DCLK1: variants seen among roughly 807,000 people sequenced by gnomAD.
DCLK1 encodes the protein serine/threonine-protein kinase DCLK1.
Under a neutral mutation model 86.2 loss-of-function variants are expected in DCLK1, and 16 were observed. That is an observed-to-expected ratio of 0.19 (90% confidence interval 0.13 to 0.28). The LOEUF is 0.28. Ranked by LOEUF, DCLK1 falls within the 10% of genes least tolerant of loss-of-function variation. The probability of loss-of-function intolerance (pLI) is 1.00; values close to 1 mark genes in which losing one functional copy is unlikely to be tolerated. For synonymous variants in DCLK1, 369 were observed against 370.5 expected (o/e 1.00, Z 0.05); for missense variants, 590 against 940.2 (o/e 0.63, Z 4.87).
At chr13:36,002,326 G>A (rs1023866984) in intron 3 of DCLK1, among the ~76,000 whole-genome samples, 17 of 152,148 alleles carry the variant, frequency 1.1e-4, no homozygotes, top group African/African-American at 4.1e-4. Context: ...TAAGTCAAAG[G>A]ATTTCTTCAG....
chr13:36,022,305 TA>T (rs565552339), intron 3 of DCLK1, among the ~76,000 whole-genome samples: 23 of 151,862 alleles, frequency 1.5e-4, no homozygotes, highest in African/African-American at 5.5e-4. Flanking sequence ...AACCTTTACT[TA>T]AAAAAAAGAA....
chr13:35,927,805 C>T (rs1197713272), intron 4 of DCLK1, among the ~76,000 whole-genome samples: 2 of 152,202 alleles, frequency 1.3e-5, no homozygotes, highest in African/African-American at 4.8e-5. Flanking sequence ...AGCCTGACCT[C>T]TGGAGACTCA....
chr13:35,865,825 C>T (rs1246331298), intron 5 of DCLK1, among the ~76,000 whole-genome samples: 1 of 152,144 alleles, frequency 6.6e-6, no homozygotes, highest in East Asian at 1.9e-4. Flanking sequence ...TGCTGACTTA[C>T]AAGGGAGGTT....
At chr13:35,974,667 G>C (rs988232507) in intron 3 of DCLK1, among the ~76,000 whole-genome samples, 5 of 152,038 alleles carry the variant, frequency 3.3e-5, no homozygotes, top group African/African-American at 1.2e-4. Flanking sequence ...TTCTGCCATG[G>C]TTGTAAGTTT....
At chr13:36,127,949 G>A (rs1487298664) in intron 1 of DCLK1, among the ~76,000 whole-genome samples, 5 of 152,186 alleles carry the variant, frequency 3.3e-5, no homozygotes, top group Admixed American at 6.5e-5. Context: ...TGTTGAAATA[G>A]AATATCAGGA....
chr13:36,110,627 A>G (rs964493000), intron 3 of DCLK1, among the ~76,000 whole-genome samples: 1 of 152,160 alleles, frequency 6.6e-6, no homozygotes, highest in South Asian at 2.1e-4. Flanking sequence ...AATAAGATCA[A>G]TCTTTTAATT....
rs149494932 is a variant in DCLK1, at chr13:36,102,708, T to C, written c.723+9161A>G. ...ACACGTTTTGAAAAATGTGACTTTT[T>C]TTCTAAGAGGATTCTAGACAAAGCA... On this transcript the variant is annotated intron_variant, in intron 3 of 16. Transcript: ENST00000360631. 4.2e-3 allele frequency among the ~76,000 whole-genome samples: 637 copies of C among 152,372 alleles called. 5 individuals carry two copies. The highest frequency in any genetic ancestry group is 0.014 in the African/African-American group (577 of 41,580).
At chr13:35,953,807 C>T (rs1045830667) in intron 3 of DCLK1, among the ~76,000 whole-genome samples, 1 of 152,178 alleles carries the variant, frequency 6.6e-6, no homozygotes, top group Non-Finnish European at 1.5e-5. Flanking sequence ...AGTTTCTCAG[C>T]AGGGCCTAGG....
At chr13:35,960,128 A>G (rs1878377195) in intron 3 of DCLK1, among the ~76,000 whole-genome samples, 1 of 152,142 alleles carries the variant, frequency 6.6e-6, no homozygotes, top group Non-Finnish European at 1.5e-5. Context: ...AGCTCAGCAG[A>G]GGTAAAACTA....
chr13:35,855,517 G>A (rs1306767365), intron 5 of DCLK1: 9 of 1,607,304 alleles, frequency 5.6e-6, no homozygotes, highest in South Asian at 1.1e-5. Flanking sequence ...TACCTTCTAT[G>A]AGTTCTAACA....
intron 4 of DCLK1, among the ~76,000 whole-genome samples, chr13:35,913,413 G>A (rs1875169599): frequency 1.3e-5 from 2 of 151,924 alleles, no homozygotes; most frequent in African/African-American, 2.4e-5. Context: ...ATACTTTCCT[G>A]AAACCATGTC....
At chr13:35,887,291 C>T (rs1681345961) in intron 4 of DCLK1, among the ~76,000 whole-genome samples, 1 of 152,220 alleles carries the variant, frequency 6.6e-6, no homozygotes, top group African/African-American at 2.4e-5. Flanking sequence ...TAGAAATGGA[C>T]ACTCTTGGTG....
intron 15 of DCLK1, among the ~76,000 whole-genome samples, chr13:35,800,691 T>C (rs1325183463): frequency 1.3e-5 from 2 of 152,034 alleles, no homozygotes; most frequent in Non-Finnish European, 2.9e-5. Context: ...TTTATATAAG[T>C]CTACCTTTCC....
At chr13:35,819,804 AT>A (rs997532888) in intron 11 of DCLK1, among the ~76,000 whole-genome samples, 1 of 152,110 alleles carries the variant, frequency 6.6e-6, no homozygotes, top group African/African-American at 2.4e-5. Flanking sequence ...TTAAAAAGTG[AT>A]TTTCACTACA....
intron 16 of DCLK1, among the ~76,000 whole-genome samples, chr13:35,780,846 G>T (rs1566527825): frequency 4.6e-5 from 7 of 152,170 alleles, no homozygotes. Context: ...AAATCTTAGG[G>T]AAATCCATCC....
At chr13:35,927,602 T>C (rs1320988883) in intron 4 of DCLK1, among the ~76,000 whole-genome samples, 1 of 152,204 alleles carries the variant, frequency 6.6e-6, no homozygotes, top group Non-Finnish European at 1.5e-5. Flanking sequence ...TAATAAAACA[T>C]GTGTCTGGTT....
chr13:35,881,096 G>A (rs1186851434), intron 4 of DCLK1, among the ~76,000 whole-genome samples: 6 of 152,142 alleles, frequency 3.9e-5, no homozygotes, highest in Non-Finnish European at 7.4e-5. Flanking sequence ...GCAGCAACAT[G>A]CCGGGGAAAA....
intron 3 of DCLK1, among the ~76,000 whole-genome samples, chr13:36,040,479 C>T (rs746606773): frequency 7.2e-4 from 109 of 150,840 alleles, no homozygotes; most frequent in Non-Finnish European, 1.1e-3. Flanking sequence ...AAAGCGGCAT[C>T]CTTATAACAC....
In DCLK1 at chr13:35,828,457, C is replaced by A. The variant is rs940010635; in HGVS notation, c.1230-150G>T. 75 of 667,378 alleles carry A rather than the reference C, an allele frequency of 1.1e-4. No homozygotes were observed. In the African/African-American group the frequency reaches 1.2e-3, roughly 11 times the overall value. 41.3% of individuals were successfully genotyped at this position (667,378 alleles called of 1,614,324 possible). A position where few individuals can be genotyped will look rare whatever the true frequency, so the allele number is the denominator to read the frequency against. ...TTTCCTTTCCTTTTTTAAAAAAAAA[C>A]AAATAAATATGTAAACGTTGATGGA... On this transcript the variant is annotated intron_variant, in intron 8 of 16. Transcript: ENST00000360631.
Sources: allele counts gnomAD v4.1 joint callset (sites outside exome capture counted in the v4.1 genomes callset), GRCh38; gene constraint gnomAD v4.1.1; transcripts MANE v1.5; gene names NCBI Gene and HGNC (gene_info 2026-07-23, HGNC 2026-07-21).